The following RAPGEF6 variants were observed in gnomAD, a reference collection of about 807,000 sequenced individuals.
RAPGEF6 encodes Rap guanine nucleotide exchange factor 6.
RAPGEF6 carries 56 observed loss-of-function variants against 171.4 expected under a neutral mutation model. That is an observed-to-expected ratio of 0.33 (90% CI 0.26 to 0.41). RAPGEF6 has a LOEUF of 0.41. Ranked by LOEUF, RAPGEF6 falls within the 10% of genes least tolerant of loss-of-function variation. The pLI is 1.00. For missense variants in RAPGEF6, 1,674 were observed against 1,921.4 expected (o/e 0.87, Z 2.41); for synonymous variants, 692 against 650.1 (o/e 1.06, Z -0.98).
At chr5:131,598,448 T>C (rs1173609233) in intron 3 of RAPGEF6, among the ~76,000 whole-genome samples, 1 of 152,172 alleles carries the variant, frequency 6.6e-6, no homozygotes, top group Non-Finnish European at 1.5e-5. Context: ...CAGGGTATCA[T>C]GAAGATCTAT....
At chr5:131,607,859 T>G (rs977917224) in intron 1 of RAPGEF6, among the ~76,000 whole-genome samples, 2 of 151,968 alleles carry the variant, frequency 1.3e-5, no homozygotes, top group Non-Finnish European at 2.9e-5. Flanking sequence ...CAAGATAAAA[T>G]AAAAGAAACT....
At chr5:131,470,305 A>C (rs911053483) in intron 17 of RAPGEF6, among the ~76,000 whole-genome samples, 2 of 152,242 alleles carry the variant, frequency 1.3e-5, no homozygotes, top group African/African-American at 4.8e-5. Flanking sequence ...GTTCTCAAGG[A>C]GAGAATTATG....
rs1756357837 is a variant in RAPGEF6, at chr5:131,492,635, C to T, written c.1678G>A (p.Gly560Arg). The T allele has an allele frequency of 6.2e-7, 1 of 1,614,028 alleles. No homozygotes were observed. Residue 560 changes from glycine (G) to arginine (R), a missense_variant, in exon 14 of 28, where the codon GGA (glycine) becomes AGA (arginine). Physicochemically the swap from Gly to Arg is moderately radical, Grantham distance 125. Coordinates refer to ENST00000509018, the MANE Select transcript of RAPGEF6 (RefSeq NM_016340.6). ...SEKGFGIFVE[G>R]VEPGSKAADS... ...GCAGCTTTGCTACCAGGTTCTACTCCTTCAACAAAAATACCAAATCCCTTC... is the reference window on the plus strand; with the variant it reads ...GCAGCTTTGCTACCAGGTTCTACTCTTTCAACAAAAATACCAAATCCCTTC...
chr5:131,481,820 A>G (rs1484680993), intron 15 of RAPGEF6, among the ~76,000 whole-genome samples: 2 of 152,254 alleles, frequency 1.3e-5, no homozygotes, highest in East Asian at 3.8e-4. Context: ...GAGCTGTGGA[A>G]GCAAACACTC....
rs533043470 is a variant in RAPGEF6, at chr5:131,448,692, A to T, written c.3201-1989T>A. Among the ~76,000 whole-genome samples the T allele has an allele frequency of 3.3e-5, 5 of 152,354 alleles. No individual in the cohort carries two copies. The East Asian group carries it at 7.7e-4, about 23-fold the overall frequency. On this transcript the variant is annotated intron_variant, in intron 21 of 27. Transcript: ENST00000509018. ...AAAATGTTTTCTAAACTACTTTGAA[A>T]ACAGAAAATTGCTGATATAAAATAA...
At position 131,432,131 on chromosome 5, in the gene RAPGEF6, TAAAAA is replaced by T. The variant is rs1751745864; in HGVS notation, c.3975-787_3975-783del. ...TCTGTTTTTTAACCTTTTAAAAGGT[TAAAAA>T]AGAAAAGAAAACAAAACCAAACCAG... On this transcript the variant is annotated intron_variant, in intron 25 of 27. Transcript: ENST00000509018. 1.1e-4 allele frequency among the ~76,000 whole-genome samples: 17 copies of T among 152,128 alleles called. No individual in the cohort carries two copies. The South Asian group carries it at 3.5e-3, about 32-fold the overall frequency.
intron 24 of RAPGEF6, chr5:131,436,438 A>G: frequency 1.5e-6 from 2 of 1,367,908 alleles, no homozygotes; most frequent in Admixed American, 2.7e-5. Flanking sequence ...CCTTGTTTAC[A>G]TAATATTTCA....
chr5:131,608,535 TG>T (rs981622541), intron 1 of RAPGEF6, among the ~76,000 whole-genome samples: 2 of 152,306 alleles, frequency 1.3e-5, no homozygotes, highest in African/African-American at 4.8e-5. Context: ...ATATGGGTCA[TG>T]CCAAAGGATA....
intron 13 of RAPGEF6, among the ~76,000 whole-genome samples, chr5:131,494,149 A>G (rs1756473543): frequency 6.6e-6 from 1 of 152,258 alleles, no homozygotes; most frequent in Non-Finnish European, 1.5e-5. Context: ...TGAACTAGGA[A>G]CTACTATCTT....
intron 1 of RAPGEF6, among the ~76,000 whole-genome samples, chr5:131,616,771 C>G (rs80337961): frequency 0.018 from 2,719 of 151,970 alleles, 41 homozygotes; most frequent in Non-Finnish European, 0.03. Flanking sequence ...TGTGCCACCA[C>G]CCCCAGCTTT....
intron 6 of RAPGEF6, 109 bp from the exon 7 acceptor site, chr5:131,521,630 T>A: frequency 1.0e-6 from 1 of 972,780 alleles, no homozygotes; most frequent in Non-Finnish European, 1.4e-6. Context: ...ATCTCTTTTT[T>A]AACCCAAGTT....
At chr5:131,613,404 C>A (rs1239930338) in intron 1 of RAPGEF6, among the ~76,000 whole-genome samples, 1 of 151,236 alleles carries the variant, frequency 6.6e-6, no homozygotes, top group South Asian at 2.1e-4. Context: ...AGCGAGACTC[C>A]GTGTGTCTGT....
At chr5:131,626,949 A>G (rs898586616) in intron 1 of RAPGEF6, among the ~76,000 whole-genome samples, 2 of 152,242 alleles carry the variant, frequency 1.3e-5, no homozygotes, top group Non-Finnish European at 2.9e-5. Context: ...AGAGTAGAAC[A>G]TAATCAGATC....
rs200206776 is a variant in RAPGEF6 at position 131,495,708 on chromosome 5, T to C, written c.1420-48A>G. 83 of 1,572,122 alleles carry C rather than the reference T, an allele frequency of 5.3e-5. No homozygotes were observed. In the East Asian group the frequency reaches 1.8e-3, roughly 34 times the overall value. The stretch of plus-strand genomic sequence containing the variant: ...GCATATGGTTATAAGAGGCATTCCT[T>C]CTGCACAAGTGGATTCCAAAAGCAT... On this transcript the variant is annotated intron_variant, in intron 12 of 27. Coordinates refer to ENST00000509018, the MANE Select transcript of RAPGEF6 (RefSeq NM_016340.6).
intron 5 of RAPGEF6, among the ~76,000 whole-genome samples, chr5:131,549,001 C>T (rs1348054377): frequency 2.0e-5 from 3 of 152,014 alleles, no homozygotes; most frequent in Non-Finnish European, 4.4e-5. Flanking sequence ...GAGTTCAAAG[C>T]TGCTGTTAGC....
chr5:131,498,369 A>G, intron 12 of RAPGEF6, 74 bp downstream of exon 12: 2 of 1,315,432 alleles, frequency 1.5e-6, no homozygotes, highest in South Asian at 2.9e-5. Context: ...ATAAACAGGT[A>G]ATCTATCAAC....
chr5:131,432,946 T>C (rs992657295), intron 25 of RAPGEF6, among the ~76,000 whole-genome samples: 2 of 152,120 alleles, frequency 1.3e-5, no homozygotes, highest in African/African-American at 2.4e-5. Context: ...TGATTCTAAA[T>C]AGAAATTTAG....
chr5:131,511,937 C>T (rs1229924183), intron 7 of RAPGEF6, among the ~76,000 whole-genome samples: 2 of 152,168 alleles, frequency 1.3e-5, no homozygotes, highest in African/African-American at 4.8e-5. Flanking sequence ...ACAATTAGAT[C>T]TGGAAGCAGA....
chr5:131,431,007 C>CA lies in RAPGEF6; in HGVS notation c.4316dup (p.Ser1440ValfsTer2). The CA allele has an allele frequency of 1.2e-6, 2 of 1,614,200 alleles. No homozygotes were observed. Among genetic ancestry groups the CA allele is most frequent in the Non-Finnish European group, 1.7e-6 (2 of 1,180,034 alleles). Reference sequence around the variant, plus strand: ...CATAGTTTGGTTCATACGTGTCAGACAGAGAACTGGAGGAGGTCCAACTCT... The same window carrying CA: ...CATAGTTTGGTTCATACGTGTCAGACAAGAGAACTGGAGGAGGTCCAACTCT... On this transcript the variant is annotated frameshift_variant, in exon 26 of 28. Transcript: ENST00000509018. LOFTEE classifies it high-confidence loss of function.
Sources: allele counts gnomAD v4.1 joint callset (sites outside exome capture counted in the v4.1 genomes callset), GRCh38; gene constraint gnomAD v4.1.1; transcripts MANE v1.5; gene names NCBI Gene and HGNC (gene_info 2026-07-23, HGNC 2026-07-21).